PKD1L1: variants seen among roughly 807,000 people sequenced by gnomAD.
PKD1L1 encodes polycystin-1-like protein 1.
PKD1L1 carries 236 observed loss-of-function variants against 323.4 expected under a neutral mutation model. The ratio of observed to expected loss-of-function variants is 0.73; its 90% CI spans 0.66 to 0.81. The LOEUF (loss-of-function observed/expected upper bound fraction) is 0.81, where lower values mean the gene tolerates loss of function less well. Ranked by LOEUF, PKD1L1 falls within the 40% of genes least tolerant of loss-of-function variation. The pLI is 0.00. For missense variants in PKD1L1, 3,320 were observed against 3,508.0 expected (o/e 0.95, Z 1.35); for synonymous variants, 1,344 against 1,335.0 (o/e 1.01, Z -0.15).
At chr7:47,928,044 T>C (rs1787687643) in intron 7 of PKD1L1, among the ~76,000 whole-genome samples, 2 of 152,186 alleles carry the variant, frequency 1.3e-5, no homozygotes, top group African/African-American at 4.8e-5. Context: ...CGTCTAGATA[T>C]GGATATGCAT....
At chr7:47,925,050 AAG>A (rs1190079963) in intron 7 of PKD1L1, among the ~76,000 whole-genome samples, 1 of 152,246 alleles carries the variant, frequency 6.6e-6, no homozygotes, top group African/African-American at 2.4e-5. Flanking sequence ...AATTCAGTGA[AAG>A]AGAAGAGGAC....
chr7:47,951,617 C>T (rs184858250), upstream of PKD1L1, among the ~76,000 whole-genome samples: 29 of 152,308 alleles, frequency 1.9e-4, no homozygotes, highest in East Asian at 5.6e-3. Context: ...CACAGAGCTG[C>T]AGTTTACACA....
chr7:47,788,579 T>TATA (rs200657195), intron 56 of PKD1L1, among the ~76,000 whole-genome samples: 62 of 70,656 alleles, frequency 8.8e-4, no homozygotes, highest in African/African-American at 2.6e-3. Context: ...ATATATATAT[T>TATA]TTTTTTTTTT....
chr7:47,937,253 T>TG (rs1787886392), intron 3 of PKD1L1, among the ~76,000 whole-genome samples: 33 of 2,462 alleles, frequency 0.013, no homozygotes, highest in African/African-American at 0.038. Flanking sequence ...CGGGACGGGG[T>TG]GGGGGTGGGG....
chr7:47,857,799 G>T lies in PKD1L1; in HGVS notation c.4396C>A (p.Gln1466Lys). The T allele has an allele frequency of 6.2e-7, 1 of 1,614,198 alleles. No individual in the cohort carries two copies. The highest frequency in any genetic ancestry group is 8.5e-7 in the Non-Finnish European group (1 of 1,180,036). ...CLSLNHVSTGQMEFRTLLHYN... is the reference protein window; with the variant it reads ...CLSLNHVSTGKMEFRTLLHYN... Reference sequence around the variant, plus strand: ...TGAAGAAGGGTCCGGAACTCCATCTGCCCAGTGCTAACATGGTTCAAAGAG... The same window carrying T: ...TGAAGAAGGGTCCGGAACTCCATCTTCCCAGTGCTAACATGGTTCAAAGAG... Residue 1466 changes from glutamine to lysine, a missense_variant, in exon 28 of 57, where the codon CAG becomes AAG. Coordinates refer to ENST00000289672, the MANE Select transcript of PKD1L1 (RefSeq NM_138295.5).
intron 9 of PKD1L1, among the ~76,000 whole-genome samples, chr7:47,906,673 T>G (rs1787213456): frequency 6.6e-6 from 1 of 152,198 alleles, no homozygotes; most frequent in African/African-American, 2.4e-5. Context: ...GGTTATTTAT[T>G]ATTACTACTG....
Position 47,839,332 on chromosome 7 carries a change from G to A in PKD1L1, c.5769+114C>T. The stretch of plus-strand genomic sequence containing the variant: ...TCGTGGTAATTAACTAAGAAAAGAG[G>A]AATACACTTTAGAAGAGTTCAAAGA... On this transcript the variant is annotated intron_variant, in intron 36 of 56. Transcript: ENST00000289672. The surrounding 1 kb of genome is among the most constrained non-coding windows in gnomAD (Gnocchi z 4.3). 5 of 751,076 alleles carry A rather than the reference G, an allele frequency of 6.7e-6. No individual in the cohort carries two copies. The highest frequency in any genetic ancestry group is 3.0e-5 in the Admixed American group (1 of 33,350). The allele number at this position is 751,076 out of a possible 1,614,324, so 46.5% of individuals were successfully genotyped here.
chr7:47,874,729 C>A (rs1786366559), intron 23 of PKD1L1, among the ~76,000 whole-genome samples: 1 of 148,376 alleles, frequency 6.7e-6, no homozygotes, highest in South Asian at 2.1e-4. Flanking sequence ...CCCAAAGGAG[C>A]AGTTTTTAGG....
intron 45 of PKD1L1, among the ~76,000 whole-genome samples, chr7:47,823,334 G>C (rs1785183552): frequency 1.3e-5 from 2 of 152,054 alleles, no homozygotes; most frequent in Admixed American, 6.6e-5. Flanking sequence ...ATTGAGACGA[G>C]CATGTGGTTT....
chr7:47,945,434 A>C (rs542678659), intron 1 of PKD1L1, among the ~76,000 whole-genome samples: 3 of 152,344 alleles, frequency 2.0e-5, no homozygotes, highest in African/African-American at 7.2e-5. Context: ...AGTTGAGGAA[A>C]GTGTGCAGGG....
chr7:47,777,938 C>G (rs1786605049), intron 56 of PKD1L1, among the ~76,000 whole-genome samples: 1 of 152,186 alleles, frequency 6.6e-6, no homozygotes, highest in Non-Finnish European at 1.5e-5. Context: ...CTGTGAGGAG[C>G]TGCAGGGGAG....
Position 47,809,543 on chromosome 7 carries a change from C to T in PKD1L1, c.7616G>A (p.Cys2539Tyr), listed in dbSNP as rs1562940208. 5 of 1,608,154 alleles carry T rather than the reference C, an allele frequency of 3.1e-6. No individual in the cohort carries two copies. The highest frequency in any genetic ancestry group is 4.2e-6 in the Non-Finnish European group (5 of 1,177,724). Residue 2539 changes from cysteine (C) to tyrosine (Y), a missense_variant, in exon 51 of 57, where the codon TGT becomes TAT. Cys to Tyr is a radical substitution (Grantham distance 194). Coordinates refer to ENST00000289672, the MANE Select transcript of PKD1L1 (RefSeq NM_138295.5). ...GTCCATCATACGGTAGAGTTGAACA[C>T]AGAGGTGGATCAGGCTGAGTGCCAG... Reference protein sequence around the residue: ...VFLALSLIHLCVQLYRMMDKG... With the variant: ...VFLALSLIHLYVQLYRMMDKG...
At chr7:47,883,316 C>T (rs138311352) in intron 19 of PKD1L1, among the ~76,000 whole-genome samples, 26 of 152,320 alleles carry the variant, frequency 1.7e-4, no homozygotes, top group African/African-American at 6.3e-4. Flanking sequence ...CTTTGATTTG[C>T]AAACTGACCA....
At chr7:47,912,798 A>T (rs1230101583) in intron 8 of PKD1L1, among the ~76,000 whole-genome samples, 2 of 141,788 alleles carry the variant, frequency 1.4e-5, no homozygotes, top group South Asian at 4.8e-4. Flanking sequence ...CCTGGGCAAC[A>T]GAGTGAGACT....
At chr7:47,807,519 T>C (rs1194572109) in intron 52 of PKD1L1, among the ~76,000 whole-genome samples, 2 of 151,868 alleles carry the variant, frequency 1.3e-5, no homozygotes, top group African/African-American at 4.8e-5. Flanking sequence ...ACCCTCTAGA[T>C]GGGAAAAGGA....
chr7:47,840,582 C>G lies in PKD1L1; in HGVS notation c.5446-15G>C. On this transcript the variant is annotated splice_polypyrimidine_tract_variant and intron_variant, in intron 34 of 56. Transcript: ENST00000289672. This position sits in a 1 kb window ranked among gnomAD's most constrained non-coding sequence, Gnocchi z 4.1. ...ACAATGTACACCTCAAAACAAAGAA[C>G]AGGGGTGGGAACTCAGGCTATTTCA... 1.3e-6 allele frequency: 2 copies of G among 1,593,794 alleles called. No homozygotes were observed. Among genetic ancestry groups the G allele is most frequent in the Non-Finnish European group, 8.6e-7 (1 of 1,161,926 alleles).
At chr7:47,916,535 G>A (rs1583671430) in intron 7 of PKD1L1, among the ~76,000 whole-genome samples, 1 of 152,204 alleles carries the variant, frequency 6.6e-6, no homozygotes, top group African/African-American at 2.4e-5. Context: ...CAGGAAAGCT[G>A]AGAGGACCCA....
Position 47,811,967 on chromosome 7 carries a change from A to C in PKD1L1, c.7431T>G (p.Thr2477=). 2 of 1,600,950 alleles carry C rather than the reference A, an allele frequency of 1.2e-6. No homozygotes were observed. Among genetic ancestry groups the C allele is most frequent in the Non-Finnish European group, 1.7e-6 (2 of 1,173,856 alleles). ...AGAGTTGGGTTGGAGGGTTATAGAG[A>C]GTGAAGTGCACAGACACAGCCCTGG... The part of the protein sequence containing the change: ...RSTRAVSVHF[T]LYNPPTQLFT... Residue 2477 remains threonine (T), a synonymous_variant, in exon 50 of 57, where the codon ACT becomes ACG. Coordinates refer to ENST00000289672, the MANE Select transcript of PKD1L1 (RefSeq NM_138295.5).
chr7:47,867,687 A>C (rs2128744259), intron 24 of PKD1L1, among the ~76,000 whole-genome samples: 1 of 152,306 alleles, frequency 6.6e-6, no homozygotes, highest in Admixed American at 6.5e-5. Flanking sequence ...AATGAAAGGA[A>C]ACCATATTTT....
Sources: gnomAD v4.1 joint callset for allele counts (sites outside exome capture counted in the v4.1 genomes callset) on GRCh38, gnomAD v4.1.1 for gene constraint, Gnocchi (gnomAD v3.1) non-coding constraint, MANE v1.5 for transcripts, NCBI Gene and HGNC (gene_info 2026-07-23, HGNC 2026-07-21) for gene names.